Variants in CD300A observed in about 807,000 individuals in gnomAD.
CD300A encodes CD300a molecule, also known as CMRF35-like molecule 8.
CD300A carries 22 observed loss-of-function variants against 33.6 expected under a neutral mutation model. The observed-to-expected ratio is 0.66, with a 90% CI of 0.47 to 0.94. The LOEUF is 0.94. Ranked by LOEUF, CD300A falls within the 40% of genes least tolerant of loss-of-function variation. The pLI is 0.00. For missense variants in CD300A, 326 were observed against 360.5 expected, an observed-to-expected ratio of 0.90 and a Z score of 0.77; for synonymous variants, 136 against 148.1, an observed-to-expected ratio of 0.92 and a Z score of 0.59.
Position 74,480,032 on chromosome 17 carries a change from C to T in CD300A, c.629-1257C>T, listed in dbSNP as rs1046113475. ...ACCTTCTCACTACCACCCTCCTTCCCGGGCGTTGAACTCCTGTCTCTTCCC... is the reference window on the plus strand; with the variant it reads ...ACCTTCTCACTACCACCCTCCTTCCTGGGCGTTGAACTCCTGTCTCTTCCC... On this transcript the variant is annotated intron_variant, in intron 4 of 6. Coordinates refer to ENST00000360141, the MANE Select transcript of CD300A (RefSeq NM_007261.4). This position sits in a 1 kb window ranked among gnomAD's most constrained non-coding sequence, Gnocchi z 4.2. Among the ~76,000 whole-genome samples the T allele has an allele frequency of 1.3e-5, 2 of 152,160 alleles. No homozygotes were observed. Among genetic ancestry groups the T allele is most frequent in the Admixed American group, 6.5e-5 (1 of 15,276 alleles).
At position 74,478,924 on chromosome 17, in the gene CD300A, AT is replaced by A. The variant is rs1312438397; in HGVS notation, c.628+1395del. On this transcript the variant is annotated intron_variant, in intron 4 of 6. Coordinates refer to ENST00000360141, the MANE Select transcript of CD300A (RefSeq NM_007261.4). ...GCTTTGTGTGTGTCATTTTCTGGTA[AT>A]CCCATCCTAAACTTCAGCACCCACG... Among the ~76,000 whole-genome samples, 3 of 152,196 alleles carry A rather than the reference AT, an allele frequency of 2.0e-5. No individual in the cohort carries two copies. In the East Asian group the frequency reaches 5.8e-4, roughly 29 times the overall value.
intron 1 of CD300A, among the ~76,000 whole-genome samples, chr17:74,472,543 A>G (rs1906172397): frequency 6.6e-6 from 1 of 152,116 alleles, no homozygotes; most frequent in Admixed American, 6.5e-5. Flanking sequence ...TAAGTCTAGG[A>G]GAGCTGGGCA....
At chr17:74,479,419 ATTT>A (rs75076322) in intron 4 of CD300A, among the ~76,000 whole-genome samples, 2 of 147,804 alleles carry the variant, frequency 1.4e-5, no homozygotes, top group African/African-American at 2.5e-5. Flanking sequence ...TAATGGTTAA[ATTT>A]TTTTTTTTAA....
intron 1 of CD300A, among the ~76,000 whole-genome samples, chr17:74,468,226 C>G (rs1232999224): frequency 2.6e-5 from 4 of 151,870 alleles, no homozygotes; most frequent in Non-Finnish European, 5.9e-5. Flanking sequence ...TAGAGATGGG[C>G]TTTCTCCATG....
chr17:74,484,256 T>G lies in CD300A; in HGVS notation c.*130T>G. 1 of 998,380 alleles carries G rather than the reference T, an allele frequency of 1.0e-6. No individual in the cohort carries two copies. The highest frequency in any genetic ancestry group is 1.5e-6 in the Non-Finnish European group (1 of 685,446). The allele number at this position is 998,380 out of a possible 1,614,324, so 61.8% of individuals were successfully genotyped here. ...GTGACCAACAGACAGGCAGCTGGGT[T>G]TCCCAGGCCATCCCTCTGTTGCCAT... On this transcript the variant is annotated 3_prime_UTR_variant, in exon 7 of 7. Coordinates refer to ENST00000360141, the MANE Select transcript of CD300A (RefSeq NM_007261.4).
chr17:74,466,822 C>T, intron 1 of CD300A, 79 bp downstream of exon 1: 2 of 1,548,808 alleles, frequency 1.3e-6, no homozygotes, highest in Non-Finnish European at 1.7e-6. Context: ...AGGTATCACA[C>T]GAGACGCCCC....
intron 6 of CD300A, among the ~76,000 whole-genome samples, chr17:74,482,697 C>CCTTTCTTTCTTTCTTTCTTT (rs146984765): frequency 5.4e-5 from 7 of 130,130 alleles, no homozygotes; most frequent in African/African-American, 2.7e-4. Context: ...TTCCTTCCTT[C>CCTTTCTTTCTTTCTTTCTTT]CTTTCTTTCT....
chr17:74,483,323 T>C (rs1422211065), intron 6 of CD300A, among the ~76,000 whole-genome samples: 1 of 151,884 alleles, frequency 6.6e-6, no homozygotes, highest in Non-Finnish European at 1.5e-5. Context: ...GCTGCTTCGT[T>C]GTGAGAACTT....
intron 1 of CD300A, among the ~76,000 whole-genome samples, chr17:74,471,858 G>A (rs570928442): frequency 6.6e-6 from 1 of 152,282 alleles, no homozygotes; most frequent in Non-Finnish European, 1.5e-5. Context: ...ACAGGTGCAA[G>A]GCACCTGTAG....
At chr17:74,470,276 A>G (rs778359158) in intron 1 of CD300A, 1 of 955,248 alleles carries the variant, frequency 1.0e-6, no homozygotes, top group Non-Finnish European at 1.2e-6. Context: ...GTTTTCTGAC[A>G]CTTCGCAATC....
chr17:74,466,432 A>G, upstream of CD300A: 2 of 546,104 alleles, frequency 3.7e-6, no homozygotes, highest in Non-Finnish European at 6.6e-6. Context: ...GAGTCACTAC[A>G]GGGAGAGGTC....
intron 3 of CD300A, among the ~76,000 whole-genome samples, chr17:74,476,982 G>A (rs1247495740): frequency 6.6e-6 from 1 of 152,038 alleles, no homozygotes; most frequent in Non-Finnish European, 1.5e-5. Context: ...TGTATGTGGG[G>A]AAATTGGGGA....
intron 6 of CD300A, 56 bp from the exon 7 acceptor site, chr17:74,483,945 G>A: frequency 3.8e-6 from 6 of 1,597,070 alleles, no homozygotes; most frequent in Non-Finnish European, 5.1e-6. Context: ...CTATGTTGGG[G>A]GTCCTTTCTT....
Position 74,480,347 on chromosome 17 carries a change from C to T in CD300A, c.629-942C>T, listed in dbSNP as rs561303668. Reference sequence around the variant, plus strand: ...GCCTGGCTGTGGACCTAACCAAGGGCATCAGCAGCGTGTGTGTCACCCGCT... The same window carrying T: ...GCCTGGCTGTGGACCTAACCAAGGGTATCAGCAGCGTGTGTGTCACCCGCT... On this transcript the variant is annotated intron_variant, in intron 4 of 6. Transcript: ENST00000360141. This position sits in a 1 kb window ranked among gnomAD's most constrained non-coding sequence, Gnocchi z 4.2. Among the ~76,000 whole-genome samples, 1 of 152,272 alleles carries T rather than the reference C, an allele frequency of 6.6e-6. No homozygotes were observed. The highest frequency in any genetic ancestry group is 2.1e-4 in the South Asian group (1 of 4,824).
At chr17:74,467,087 C>T (rs1435770829) in intron 1 of CD300A, 11 of 953,166 alleles carry the variant, frequency 1.2e-5, no homozygotes, top group Non-Finnish European at 1.3e-5. Flanking sequence ...TGGAGAGTGG[C>T]AGCCACTGAC....
At chr17:74,481,874 G>A (rs376154926) in intron 6 of CD300A, 41 bp downstream of exon 6, 85 of 1,480,412 alleles carry the variant, frequency 5.7e-5, no homozygotes, top group Non-Finnish European at 1.4e-5. Context: ...CGGCCCCTGG[G>A]CTGTGCCAGG....
Position 74,480,478 on chromosome 17 carries a change from G to A in CD300A, c.629-811G>A, listed in dbSNP as rs916423750. 2.0e-5 allele frequency among the ~76,000 whole-genome samples: 3 copies of A among 152,160 alleles called. No homozygotes were observed. The highest frequency in any genetic ancestry group is 7.2e-5 in the African/African-American group (3 of 41,438). Reference sequence around the variant, plus strand: ...GTGCCAGCAGCCAAGGGCTGTGTGAGCCTGAGCTGGCGTCCCTGGGGCTGA... The same window carrying A: ...GTGCCAGCAGCCAAGGGCTGTGTGAACCTGAGCTGGCGTCCCTGGGGCTGA... On this transcript the variant is annotated intron_variant, in intron 4 of 6. Transcript: ENST00000360141. This position sits in a 1 kb window ranked among gnomAD's most constrained non-coding sequence, Gnocchi z 4.2.
chr17:74,473,698 C>G lies in CD300A; in HGVS notation c.203C>G (p.Ala68Gly). Residue 68 changes from alanine to glycine, a missense_variant, in exon 2 of 7, where the codon GCA becomes GGA. Coordinates refer to ENST00000360141, the MANE Select transcript of CD300A (RefSeq NM_007261.4). ...CDKIVETKGS[A>G]GKRNGRVSIR... is the part of the protein sequence containing the mutation. The stretch of plus-strand genomic sequence containing the variant: ...AAGATTGTGGAGACCAAAGGGTCAG[C>G]AGGAAAAAGGAACGGCCGAGTGTCC... 1 of 1,614,224 alleles carries G rather than the reference C, an allele frequency of 6.2e-7. No individual in the cohort carries two copies. The highest frequency in any genetic ancestry group is 2.2e-5 in the East Asian group (1 of 44,886).
chr17:74,474,122 G>A (rs754785186), intron 2 of CD300A, among the ~76,000 whole-genome samples: 2 of 152,026 alleles, frequency 1.3e-5, no homozygotes, highest in Non-Finnish European at 2.9e-5. Flanking sequence ...AGCCAGGAGC[G>A]CACCTGTGGC....
Sources: allele counts gnomAD v4.1 joint callset (sites outside exome capture counted in the v4.1 genomes callset), GRCh38; gene constraint gnomAD v4.1.1; non-coding constraint Gnocchi (gnomAD v3.1); transcripts MANE v1.5; gene names NCBI Gene and HGNC (gene_info 2026-07-23, HGNC 2026-07-21).